The following DCTN5 variants were observed in gnomAD, a reference collection of about 807,000 sequenced individuals.
The protein encoded by DCTN5 is dynactin 4.
In DCTN5, 14 loss-of-function variants were observed where a neutral mutation model predicts 23.5. The observed-to-expected ratio is 0.60, with a 90% confidence interval of 0.39 to 0.93. The LOEUF (loss-of-function observed/expected upper bound fraction) is 0.93, where lower values mean the gene tolerates loss of function less well. Among genes scored for constraint, DCTN5 ranks in the 40% least tolerant of loss-of-function variants. The pLI is 0.00. For missense variants in DCTN5, 156 were observed against 225.9 expected (o/e 0.69, Z 1.98); for synonymous variants, 67 against 79.6 (o/e 0.84, Z 0.84).
chr16:23,663,783 A>C (rs1261495934), intron 4 of DCTN5, among the ~76,000 whole-genome samples: 1 of 152,196 alleles, frequency 6.6e-6, no homozygotes, highest in Non-Finnish European at 1.5e-5. Context: ...TTCATGCCTA[A>C]GAAATACCTA....
At chr16:23,646,725 C>A (rs78255260) in intron 2 of DCTN5, among the ~76,000 whole-genome samples, 39 of 151,944 alleles carry the variant, frequency 2.6e-4, no homozygotes, top group Non-Finnish European at 5.0e-4. Flanking sequence ...TACAGGCATG[C>A]GCCACCATGC....
In DCTN5 at chr16:23,667,319, C is replaced by T; in HGVS notation, c.*175C>T. 7 of 722,342 alleles carry T rather than the reference C, an allele frequency of 9.7e-6. No individual in the cohort carries two copies. In the South Asian group the frequency reaches 1.2e-4, roughly 12 times the overall value. 44.7% of individuals were successfully genotyped at this position (722,342 alleles called of 1,614,324 possible). ...AAGGCTCTAAGTGCTTAAGAATTCACTAACAGACAGACCATCTGGAGGAGC... is the reference window on the plus strand; with the variant it reads ...AAGGCTCTAAGTGCTTAAGAATTCATTAACAGACAGACCATCTGGAGGAGC... On this transcript the variant is annotated 3_prime_UTR_variant, in exon 6 of 6. Transcript: ENST00000300087.
In DCTN5 at chr16:23,674,293, T is replaced by G. The variant is rs887269577; in HGVS notation, c.*7149T>G. On this transcript the variant is annotated 3_prime_UTR_variant, in exon 6 of 6. Coordinates refer to ENST00000300087, the MANE Select transcript of DCTN5 (RefSeq NM_032486.4). ...GTCCTGGAACCTGGCTGAAAAGGGC[T>G]TATTCTCTAATGGGACCATCTAAGA... The G allele has an allele frequency of 5.9e-5, 9 of 152,230 alleles. No homozygotes were observed. Among genetic ancestry groups the G allele is most frequent in the African/African-American group, 1.9e-4 (8 of 41,454 alleles). The allele number at this position is 152,230 out of a possible 1,614,324, so 9.4% of individuals were successfully genotyped here.
In DCTN5 at chr16:23,674,208, C is replaced by T. The variant is rs1205252482; in HGVS notation, c.*7064C>T. 1.3e-5 allele frequency: 2 copies of T among 152,194 alleles called. No individual in the cohort carries two copies. The highest frequency in any genetic ancestry group is 2.9e-5 in the Non-Finnish European group (2 of 68,044). The allele number at this position is 152,194 out of a possible 1,614,324, so 9.4% of individuals were successfully genotyped here. ...AGGCACAGGCTCAATGACCAGGACT[C>T]AGACGTTGGGGCCGTTGGAGATTAA... is the stretch of plus-strand genomic sequence containing the variant. On this transcript the variant is annotated 3_prime_UTR_variant, in exon 6 of 6. Coordinates refer to ENST00000300087, the MANE Select transcript of DCTN5 (RefSeq NM_032486.4).
In DCTN5 at chr16:23,658,565, G is replaced by GT; in HGVS notation, c.177dup (p.His60SerfsTer8). 4 of 1,614,168 alleles carry GT rather than the reference G, an allele frequency of 2.5e-6. No individual in the cohort carries two copies. The highest frequency in any genetic ancestry group is 3.4e-6 in the Non-Finnish European group (4 of 1,180,016). On this transcript the variant is annotated frameshift_variant, in exon 3 of 6. Coordinates refer to ENST00000300087, the MANE Select transcript of DCTN5 (RefSeq NM_032486.4). LOFTEE classifies it high-confidence loss of function. ...GATCTGGCAAATGTAAGAGTTGGAC[G>GT]TCATTGTGTTGTGAAAAGTCGTAGT...
In DCTN5 at chr16:23,645,119, ATATATATATATATATATATT is replaced by A. The variant is rs1220466276; in HGVS notation, c.117+2098_117+2117del. Reference sequence around the variant, plus strand: ...TATATATATATATATATATATATATATATATATATATATATATATTTTTTTTTTTTTTAATACGCAGTTTT... The same window carrying A: ...TATATATATATATATATATATATATATTTTTTTTTTTTAATACGCAGTTTT... On this transcript the variant is annotated intron_variant, in intron 2 of 5. Transcript: ENST00000300087. Among the ~76,000 whole-genome samples the A allele has an allele frequency of 1.1e-3, 38 of 35,110 alleles. 2 individuals carry two copies. The highest frequency in any genetic ancestry group is 1.8e-3 in the Admixed American group (5 of 2,804). 23.0% of individuals were successfully genotyped at this position (35,110 alleles called of 152,430 possible). A position where few individuals can be genotyped will look rare whatever the true frequency, so the allele number is the denominator to read the frequency against.
intron 2 of DCTN5, among the ~76,000 whole-genome samples, chr16:23,646,953 CTGTT>C (rs1967475018): frequency 6.6e-6 from 1 of 152,124 alleles, no homozygotes; most frequent in South Asian, 2.1e-4. Context: ...TATCCTGGCA[CTGTT>C]TGTTGAAAAT....
intron 5 of DCTN5, 152 bp downstream of exon 5, chr16:23,665,880 C>T: frequency 1.6e-6 from 1 of 638,056 alleles, no homozygotes; most frequent in Non-Finnish European, 2.7e-6. Flanking sequence ...AGAAATGCTA[C>T]CTAACATATA....
At chr16:23,643,245 G>A (rs774818550) in intron 2 of DCTN5, among the ~76,000 whole-genome samples, 1 of 151,400 alleles carries the variant, frequency 6.6e-6, no homozygotes, top group Non-Finnish European at 1.5e-5. Context: ...AGGCTGGAGT[G>A]CAGTGGCCCC....
intron 3 of DCTN5, among the ~76,000 whole-genome samples, chr16:23,659,747 A>G (rs1254901763): frequency 6.6e-6 from 1 of 152,238 alleles, no homozygotes; most frequent in Non-Finnish European, 1.5e-5. Flanking sequence ...ATGACATACA[A>G]GAACTGGATC....
intron 2 of DCTN5, among the ~76,000 whole-genome samples, chr16:23,655,013 A>G (rs1340201716): frequency 2.0e-5 from 3 of 152,238 alleles, no homozygotes; most frequent in African/African-American, 7.2e-5. Flanking sequence ...AAAGGCCAAG[A>G]AGTGATATAT....
At chr16:23,657,634 G>C (rs563569861) in intron 2 of DCTN5, 2 of 260,960 alleles carry the variant, frequency 7.7e-6, no homozygotes, top group Non-Finnish European at 1.6e-5. Flanking sequence ...AGTAGAGATG[G>C]GGTTTCACCA....
intron 2 of DCTN5, among the ~76,000 whole-genome samples, chr16:23,652,813 A>G (rs917987874): frequency 9.9e-5 from 15 of 152,240 alleles, no homozygotes; most frequent in Non-Finnish European, 2.1e-4. Flanking sequence ...TTGGGGGCAC[A>G]TGATAATTTA....
chr16:23,648,211 A>C (rs965154375), intron 2 of DCTN5, among the ~76,000 whole-genome samples: 1 of 152,080 alleles, frequency 6.6e-6, no homozygotes, highest in South Asian at 2.1e-4. Context: ...GCTAGAGTGC[A>C]GTGGCACAAT....
intron 2 of DCTN5, among the ~76,000 whole-genome samples, chr16:23,645,011 C>G (rs1738677661): frequency 7.1e-6 from 1 of 140,432 alleles, no homozygotes; most frequent in Admixed American, 7.3e-5. Flanking sequence ...AACTCTTGGC[C>G]TCAAGTGATC....
chr16:23,674,213 G>A lies in DCTN5; in HGVS notation c.*7069G>A, dbSNP rs767970242. 6.6e-6 allele frequency: 1 copy of A among 152,180 alleles called. No homozygotes were observed. Among genetic ancestry groups the A allele is most frequent in the African/African-American group, 2.4e-5 (1 of 41,430 alleles). 9.4% of individuals were successfully genotyped at this position (152,180 alleles called of 1,614,324 possible). A position where few individuals can be genotyped will look rare whatever the true frequency, so the allele number is the denominator to read the frequency against. On this transcript the variant is annotated 3_prime_UTR_variant, in exon 6 of 6. Coordinates refer to ENST00000300087, the MANE Select transcript of DCTN5 (RefSeq NM_032486.4). ...CAGGCTCAATGACCAGGACTCAGAC[G>A]TTGGGGCCGTTGGAGATTAAGGACC...
chr16:23,661,602 C>T (rs1350996736), intron 4 of DCTN5, among the ~76,000 whole-genome samples: 1 of 152,106 alleles, frequency 6.6e-6, no homozygotes, highest in Non-Finnish European at 1.5e-5. Context: ...CCTGTAGTCC[C>T]AGCTACTCGG....
intron 4 of DCTN5, among the ~76,000 whole-genome samples, chr16:23,665,134 C>G (rs1433935160): frequency 6.6e-6 from 1 of 152,134 alleles, no homozygotes; most frequent in Non-Finnish European, 1.5e-5. Context: ...CAGCAAAAGC[C>G]CTGAGGTTGG....
At chr16:23,657,150 T>G (rs1237580342) in intron 2 of DCTN5, among the ~76,000 whole-genome samples, 1 of 152,142 alleles carries the variant, frequency 6.6e-6, no homozygotes, top group African/African-American at 2.4e-5. Context: ...TGTATGTTAA[T>G]CCTTTGTTTA....
Sources: gnomAD v4.1 joint callset for allele counts (sites outside exome capture counted in the v4.1 genomes callset) on GRCh38, gnomAD v4.1.1 for gene constraint, MANE v1.5 for transcripts, NCBI Gene and HGNC (gene_info 2026-07-23, HGNC 2026-07-21) for gene names.